Variants in TIPIN observed in about 807,000 individuals in gnomAD.
TIPIN encodes the protein TIMELESS interacting protein, also known as TIMELESS-interacting protein.
TIPIN carries 29 observed loss-of-function variants against 35.6 expected under a neutral mutation model. That is an observed-to-expected ratio of 0.82 (90% CI 0.61 to 1.11). The LOEUF (loss-of-function observed/expected upper bound fraction) is 1.11, where lower values mean the gene tolerates loss of function less well. Among genes scored for constraint, TIPIN ranks in the 50% most tolerant of loss-of-function variants. TIPIN has a pLI of 0.00. For missense variants in TIPIN, 296 were observed against 345.4 expected, an observed-to-expected ratio of 0.86 and a Z score of 1.13; for synonymous variants, 102 against 121.5, an observed-to-expected ratio of 0.84 and a Z score of 1.06.
Position 66,353,893 on chromosome 15 carries a change from G to A in TIPIN, c.-8-938C>T, listed in dbSNP as rs550729166. Among the ~76,000 whole-genome samples, 18 of 152,000 alleles carry A rather than the reference G, an allele frequency of 1.2e-4. No individual in the cohort carries two copies. The South Asian group carries it at 3.5e-3, about 30-fold the overall frequency. ...GTAATCCCAGCAGGAGGCAGAGGCA[G>A]ACGGACCATGAGGTCAGGAGTTCGA... On this transcript the variant is annotated intron_variant, in intron 1 of 7. Transcript: ENST00000261881.
intron 6 of TIPIN, among the ~76,000 whole-genome samples, chr15:66,345,247 A>C (rs952642001): frequency 3.9e-5 from 6 of 152,178 alleles, no homozygotes; most frequent in Admixed American, 2.0e-4. Context: ...ACGGCAATAC[A>C]AAAGCCTTAG....
intron 1 of TIPIN, chr15:66,380,045 A>G: frequency 2.3e-6 from 1 of 425,876 alleles, no homozygotes; most frequent in Non-Finnish European, 3.9e-6. Context: ...TCTGTCACCC[A>G]GGCTGGAGTG....
upstream of TIPIN, among the ~76,000 whole-genome samples, chr15:66,359,174 G>GACACACAC (rs144363122): frequency 7.4e-6 from 1 of 134,814 alleles, no homozygotes; most frequent in African/African-American, 2.5e-5. Flanking sequence ...CACACACACA[G>GACACACAC]ACACACACAC....
intron 1 of TIPIN, among the ~76,000 whole-genome samples, chr15:66,376,082 G>A (rs1055903393): frequency 6.6e-6 from 1 of 152,156 alleles, no homozygotes; most frequent in Admixed American, 6.6e-5. Context: ...ATGGAGTGAG[G>A]CCTTGTCCCA....
At position 66,364,764 on chromosome 15, in the gene TIPIN, C is replaced by T. The variant is rs140287945; in HGVS notation, c.-8-11809G>A. On this transcript the variant is annotated intron_variant, in intron 1 of 7. Coordinates refer to the TIPIN transcript ENST00000562124. ...GGCAGATCACCTGAGGCCAGGAGTT[C>T]GAGACTAGCCTGACTAACATGGTGA... Among the ~76,000 whole-genome samples, 121 of 151,770 alleles carry T rather than the reference C, an allele frequency of 8.0e-4. 1 individual carries two copies. The East Asian group carries it at 0.021, about 26-fold the overall frequency.
chr15:66,352,815 C>T lies in TIPIN; in HGVS notation c.133G>A (p.Glu45Lys), dbSNP rs781378167. ...QDGEGTEPDE[E>K]SGNGAPVRVP... is the part of the protein sequence containing the mutation. ...CCTTTTTAAAACTCTCTATACATAC[C>T]TTCATCAGGCTCAGTTCCTTCACCA... Residue 45 changes from glutamate to lysine, a missense_variant and splice_region_variant, in exon 2 of 8, where the codon GAG (glutamate) becomes AAG (lysine). Physicochemically the swap from Glu to Lys is moderately conservative, Grantham distance 56 (BLOSUM62 1). Transcript: ENST00000261881. 5 of 1,611,068 alleles carry T rather than the reference C, an allele frequency of 3.1e-6. No individual in the cohort carries two copies. Among genetic ancestry groups the T allele is most frequent in the Admixed American group, 1.7e-5 (1 of 59,508 alleles).
At chr15:66,367,973 A>G (rs1487302759) in intron 1 of TIPIN, among the ~76,000 whole-genome samples, 2 of 151,104 alleles carry the variant, frequency 1.3e-5, no homozygotes, top group African/African-American at 4.9e-5. Context: ...AGCTGGGACT[A>G]CAGGTGCGCG....
In TIPIN at chr15:66,356,409, G is replaced by T. The variant is rs62627260; in HGVS notation, c.-9+230C>A. ...GGAACACGTTCCCTCCCGCTAAGCG[G>T]CTTGGCAGAGTAAGAGGCATCCCAA... On this transcript the variant is annotated intron_variant, in intron 1 of 7. Transcript: ENST00000261881. 2.0e-3 allele frequency among the ~76,000 whole-genome samples: 306 copies of T among 152,268 alleles called. 1 individual carries two copies. Among genetic ancestry groups the T allele is most frequent in the African/African-American group, 7.0e-3 (289 of 41,558 alleles).
At chr15:66,382,027 T>C (rs2093320405) in intron 1 of TIPIN, among the ~76,000 whole-genome samples, 1 of 151,692 alleles carries the variant, frequency 6.6e-6, no homozygotes, top group Non-Finnish European at 1.5e-5. Context: ...ATTGCACCAC[T>C]GCACTCCACC....
At chr15:66,362,786 G>A (rs529324824) in intron 1 of TIPIN, among the ~76,000 whole-genome samples, 41 of 152,120 alleles carry the variant, frequency 2.7e-4, no homozygotes, top group Non-Finnish European at 4.0e-4. Context: ...AAAAGACCAT[G>A]AACTATCTCA....
In TIPIN at chr15:66,349,336, C is replaced by T. The variant is rs746666253; in HGVS notation, c.390G>A (p.Leu130=). 2 of 1,613,730 alleles carry T rather than the reference C, an allele frequency of 1.2e-6. No homozygotes were observed. Among genetic ancestry groups the T allele is most frequent in the Non-Finnish European group, 1.7e-6 (2 of 1,179,996 alleles). ...FEDFIDRVEY[L]GSKKEVQTCL... is the part of the protein sequence containing the mutation. ...TTACCTGAACTTCCTTTTTACTTCC[C>T]AGGTATTCAACTCTGTCAATAAAAT... is the stretch of plus-strand genomic sequence containing the variant. The change falls in exon 5 of 8, where the codon CTG becomes CTA. Residue 130 remains leucine, a synonymous_variant. Coordinates refer to ENST00000261881, the MANE Select transcript of TIPIN (RefSeq NM_017858.3).
chr15:66,354,939 T>C (rs956587059), intron 1 of TIPIN, among the ~76,000 whole-genome samples: 1 of 152,078 alleles, frequency 6.6e-6, no homozygotes, highest in Non-Finnish European at 1.5e-5. Flanking sequence ...AACTAGACTG[T>C]AGCTCAAAAA....
chr15:66,366,517 G>T (rs901864687), intron 1 of TIPIN, among the ~76,000 whole-genome samples: 1 of 150,370 alleles, frequency 6.7e-6, no homozygotes. Flanking sequence ...ACTTTGGGAG[G>T]CCGAGTCAGG....
chr15:66,364,780 A>AGTGACGAGACTAGTTCGAGACTAGCCTG (rs2093246759), intron 1 of TIPIN, among the ~76,000 whole-genome samples: 1 of 151,886 alleles, frequency 6.6e-6, no homozygotes, highest in Non-Finnish European at 1.5e-5. Flanking sequence ...TAGCCTGACT[A>AGTGACGAGACTAGTTCGAGACTAGCCTG]ACATGGTGAA....
intron 1 of TIPIN, among the ~76,000 whole-genome samples, chr15:66,385,652 C>A (rs2093334846): frequency 6.6e-6 from 1 of 152,072 alleles, no homozygotes; most frequent in South Asian, 2.1e-4. Context: ...CCACGCCCAG[C>A]TAATTTTTTG....
rs2093172953 is a variant in TIPIN at position 66,352,206 on chromosome 15, C to T, written c.135G>A (p.Glu45=). Residue 45 remains glutamate (E), a splice_region_variant and synonymous_variant, in exon 3 of 8, where the codon GAG becomes GAA. Coordinates refer to ENST00000261881, the MANE Select transcript of TIPIN (RefSeq NM_017858.3). Reference sequence around the variant, plus strand: ...CACGAACAGGTGCTCCATTTCCTGACTCTGGTGAAACAAACCACGATTCAG... The same window carrying T: ...CACGAACAGGTGCTCCATTTCCTGATTCTGGTGAAACAAACCACGATTCAG... ...QDGEGTEPDE[E]SGNGAPVRVP... is the part of the protein sequence containing the mutation. 1 of 1,600,976 alleles carries T rather than the reference C, an allele frequency of 6.2e-7. No individual in the cohort carries two copies. Among genetic ancestry groups the T allele is most frequent in the Non-Finnish European group, 8.5e-7 (1 of 1,174,678 alleles).
Position 66,341,162 on chromosome 15 carries a change from T to A in TIPIN, c.670A>T (p.Thr224Ser). ...GCATAAAATTTACCATTTCCTAGGG[T>A]CTGACTATTACTCAGCAGCTTTGCC... Reference protein sequence around the residue: ...RQAKLLSNSQTLGNDMLMNTP... With the variant: ...RQAKLLSNSQSLGNDMLMNTP... The change falls in exon 7 of 8, where the codon ACC becomes TCC. Residue 224 changes from threonine (T) to serine (S), a missense_variant. By Grantham distance (58) the Thr-to-Ser change is moderately conservative. Coordinates refer to ENST00000261881, the MANE Select transcript of TIPIN (RefSeq NM_017858.3). 1.9e-6 allele frequency: 3 copies of A among 1,611,670 alleles called. No individual in the cohort carries two copies. Among genetic ancestry groups the A allele is most frequent in the Non-Finnish European group, 2.5e-6 (3 of 1,179,854 alleles).
chr15:66,374,720 C>T (rs2093290057), intron 1 of TIPIN, among the ~76,000 whole-genome samples: 1 of 152,152 alleles, frequency 6.6e-6, no homozygotes. Context: ...GCTGGGATTA[C>T]AGGTGCCTGC....
At position 66,344,402 on chromosome 15, in the gene TIPIN, C is replaced by A. The variant is rs62627315; in HGVS notation, c.476-3046G>T. ...TTCAAGACCAACATCACCAACATAG[C>A]AAGACCTCGTCTCTATTACAAAAAA... On this transcript the variant is annotated intron_variant, in intron 6 of 7. Transcript: ENST00000261881. 4.0e-3 allele frequency among the ~76,000 whole-genome samples: 599 copies of A among 151,494 alleles called. 23 individuals carry two copies. Among genetic ancestry groups the A allele is most frequent in the Admixed American group, 0.037 (564 of 15,218 alleles).
Sources: allele counts gnomAD v4.1 joint callset (sites outside exome capture counted in the v4.1 genomes callset), GRCh38; gene constraint gnomAD v4.1.1; transcripts MANE v1.5; gene names NCBI Gene and HGNC (gene_info 2026-07-23, HGNC 2026-07-21).